Variants in PYCR1 observed in about 807,000 individuals in gnomAD.
The protein encoded by PYCR1 is pyrroline-5-carboxylate reductase 1, mitochondrial.
A neutral mutation model predicts 22.9 loss-of-function variants in PYCR1; 19 were observed. The observed-to-expected ratio is 0.83, with a 90% CI of 0.58 to 1.22. The LOEUF (loss-of-function observed/expected upper bound fraction) is 1.22. Ranked by LOEUF, PYCR1 falls within the 50% of genes most tolerant of loss-of-function variation. The probability of loss-of-function intolerance (pLI) is 0.00; values close to 1 mark genes in which losing one functional copy is unlikely to be tolerated. For synonymous variants in PYCR1, 175 were observed against 180.5 expected, an observed-to-expected ratio of 0.97 and a Z score of 0.24; for missense variants, 429 against 431.3, an observed-to-expected ratio of 0.99 and a Z score of 0.05.
At chr17:81,934,604 A>G in intron 5 of PYCR1, 49 bp downstream of exon 5, 1 of 1,547,912 alleles carries the variant, frequency 6.5e-7, no homozygotes. Context: ...GTGAAGCCCC[A>G]GGGCCCCGCA....
At position 81,937,038 on chromosome 17, in the gene PYCR1, C is replaced by T; in HGVS notation, c.-224G>A. 6.9e-7 allele frequency: 1 copy of T among 1,452,258 alleles called. No homozygotes were observed. The highest frequency in any genetic ancestry group is 9.1e-7 in the Non-Finnish European group (1 of 1,104,224). The allele number at this position is 1,452,258 out of a possible 1,614,324, so 90.0% of individuals were successfully genotyped here. A position where few individuals can be genotyped will look rare whatever the true frequency, so the allele number is the denominator to read the frequency against. On this transcript the variant is annotated 5_prime_UTR_variant, in exon 1 of 7. Transcript: ENST00000329875. ...AGTCAGAGCGGCGGTGCCTGGCCTG[C>T]TGCCTAGGGTCCCGCACCCACTGGA...
At position 81,932,859 on chromosome 17, in the gene PYCR1, G is replaced by A. The variant is rs1217192704; in HGVS notation, c.*355C>T. 5 of 1,601,324 alleles carry A rather than the reference G, an allele frequency of 3.1e-6. No individual in the cohort carries two copies. The highest frequency in any genetic ancestry group is 2.2e-5 in the South Asian group (2 of 89,122). ...CCCACCTCTGCTGAGCCTTCACAGA[G>A]GGGGTCCTTGACCTTTGCTCTCAGG... On this transcript the variant is annotated 3_prime_UTR_variant, in exon 7 of 7. Transcript: ENST00000329875.
chr17:81,933,431 G>A, intron 6 of PYCR1, 55 bp from the exon 7 acceptor site: 3 of 1,601,330 alleles, frequency 1.9e-6, no homozygotes, highest in Non-Finnish European at 1.7e-6. Context: ...CCAGGAAGAG[G>A]GAGTGAAGCC....
chr17:81,935,008 A>C lies in PYCR1; in HGVS notation c.458T>G (p.Leu153Arg), dbSNP rs990422378. The C allele has an allele frequency of 1.2e-6, 2 of 1,610,140 alleles. No individual in the cohort carries two copies. Among genetic ancestry groups the C allele is most frequent in the African/African-American group, 1.3e-5 (1 of 74,892 alleles). Reference protein sequence around the residue: ...VEDGRLMEQLLSSVGFCTEVE... With the variant: ...VEDGRLMEQLRSSVGFCTEVE... ...CTCCGTGCAGAAGCCCACGCTGCTC[A>C]GCAGCTGCTCCATGAGCCTCCCGTC... Residue 153 changes from leucine (L) to arginine (R), a missense_variant, in exon 4 of 7, where the codon CTG becomes CGG. By Grantham distance (102) the Leu-to-Arg change is moderately radical (BLOSUM62 -2). Coordinates refer to ENST00000329875, the MANE Select transcript of PYCR1 (RefSeq NM_006907.4).
At position 81,933,008 on chromosome 17, in the gene PYCR1, G is replaced by C; in HGVS notation, c.*206C>G. 6.3e-7 allele frequency: 1 copy of C among 1,592,960 alleles called. No individual in the cohort carries two copies. Among genetic ancestry groups the C allele is most frequent in the Non-Finnish European group, 8.5e-7 (1 of 1,171,570 alleles). On this transcript the variant is annotated 3_prime_UTR_variant, in exon 7 of 7. Coordinates refer to ENST00000329875, the MANE Select transcript of PYCR1 (RefSeq NM_006907.4). ...GAGAAGAAAGGAGGTTGAGGTTGGG[G>C]AATCCACCCCTGTTCTGGGCTGGGA...
Position 81,934,628 on chromosome 17 carries a change from C to T in PYCR1, c.633+25G>A, listed in dbSNP as rs377028778. On this transcript the variant is annotated intron_variant, in intron 5 of 6. Coordinates refer to ENST00000329875, the MANE Select transcript of PYCR1 (RefSeq NM_006907.4). The stretch of plus-strand genomic sequence containing the variant: ...CAGGGCCCCGCAAAGAGTGGCCCCA[C>T]CAGAGGGTCAGGAAACACACTGACC... The T allele has an allele frequency of 1.4e-4, 219 of 1,553,832 alleles. No individual in the cohort carries two copies. In the African/African-American group the frequency reaches 2.8e-3, roughly 20 times the overall value.
In PYCR1 at chr17:81,937,069, G is replaced by A; in HGVS notation, c.-255C>T. 7.0e-7 allele frequency: 1 copy of A among 1,430,732 alleles called. No homozygotes were observed. Among genetic ancestry groups the A allele is most frequent in the South Asian group, 1.5e-5 (1 of 67,684 alleles). 88.6% of individuals were successfully genotyped at this position (1,430,732 alleles called of 1,614,324 possible). ...AGGGTCCCGCACCCACTGGAGGGGT[G>A]GAGGTTCCGCAGAAGAAATGACTGG... On this transcript the variant is annotated 5_prime_UTR_variant, in exon 1 of 7. Coordinates refer to ENST00000329875, the MANE Select transcript of PYCR1 (RefSeq NM_006907.4).
At chr17:81,934,106 G>A (rs1480973657) in intron 6 of PYCR1, 10 of 652,068 alleles carry the variant, frequency 1.5e-5, no homozygotes, top group African/African-American at 5.4e-5. Flanking sequence ...CACAGCATCC[G>A]GGTCCCTCTA....
At position 81,936,991 on chromosome 17, in the gene PYCR1, C is replaced by A; in HGVS notation, c.-177G>T. 6.8e-7 allele frequency: 1 copy of A among 1,476,416 alleles called. No individual in the cohort carries two copies. Among genetic ancestry groups the A allele is most frequent in the Non-Finnish European group, 9.0e-7 (1 of 1,113,964 alleles). The allele number at this position is 1,476,416 out of a possible 1,614,324, so 91.5% of individuals were successfully genotyped here. A position where few individuals can be genotyped will look rare whatever the true frequency, so the allele number is the denominator to read the frequency against. On this transcript the variant is annotated 5_prime_UTR_variant, in exon 1 of 7. Coordinates refer to ENST00000329875, the MANE Select transcript of PYCR1 (RefSeq NM_006907.4). ...TAACTTTCCACTTTGCTGTCCGGCCCGTTAACTGCTTCGGGGCCCCCAGTC... is the reference window on the plus strand; with the variant it reads ...TAACTTTCCACTTTGCTGTCCGGCCAGTTAACTGCTTCGGGGCCCCCAGTC...
At chr17:81,935,191 C>T (rs1193915782) in intron 3 of PYCR1, 44 bp from the exon 4 acceptor site, 1 of 1,574,834 alleles carries the variant, frequency 6.3e-7, no homozygotes, top group Non-Finnish European at 8.6e-7. Context: ...GGACGCAGTG[C>T]CTAGATGCAC....
Position 81,937,253 on chromosome 17 carries a change from C to A in PYCR1, c.-439G>T. The A allele has an allele frequency of 7.4e-7, 1 of 1,353,134 alleles. No individual in the cohort carries two copies. 83.8% of individuals were successfully genotyped at this position (1,353,134 alleles called of 1,614,324 possible). On this transcript the variant is annotated 5_prime_UTR_variant, in exon 1 of 7. Coordinates refer to ENST00000329875, the MANE Select transcript of PYCR1 (RefSeq NM_006907.4). ...CCCAACCCAGCTACCGTGCGCGGGTCGTACCCACCCCTCAGCGCTGCGGCC... is the reference window on the plus strand; with the variant it reads ...CCCAACCCAGCTACCGTGCGCGGGTAGTACCCACCCCTCAGCGCTGCGGCC...
In PYCR1 at chr17:81,936,764, C is replaced by T; in HGVS notation, c.51G>A (p.Lys17=). The T allele has an allele frequency of 1.2e-6, 2 of 1,609,766 alleles. No homozygotes were observed. Among genetic ancestry groups the T allele is most frequent in the Non-Finnish European group, 1.7e-6 (2 of 1,178,880 alleles). ...GGGGCCTACCTGCTGCTGTGAAGCC[C>T]TTGGCCAGGGCAAAAGCCAGCTGGC... ...GAGQLAFALA[K]GFTAAGVLAA... The change falls in exon 1 of 7, where the codon AAG becomes AAA. Residue 17 remains lysine, a synonymous_variant. Transcript: ENST00000329875.
In PYCR1 at chr17:81,937,192, C is replaced by G. The variant is rs558371350; in HGVS notation, c.-378G>C. On this transcript the variant is annotated 5_prime_UTR_variant, in exon 1 of 7. Transcript: ENST00000329875. ...AGAACTGGGCTACCGTCGCGCCCCA[C>G]CCGGCGACCGCCGCCCACCATTCCC... 75 of 1,477,058 alleles carry G rather than the reference C, an allele frequency of 5.1e-5. No individual in the cohort carries two copies. The African/African-American group carries it at 9.1e-4, about 18-fold the overall frequency. The allele number at this position is 1,477,058 out of a possible 1,614,324, so 91.5% of individuals were successfully genotyped here.
rs751714070 is a variant in PYCR1 at position 81,935,382 on chromosome 17, A to G, written c.273T>C (p.Ile91=). The G allele has an allele frequency of 7.4e-6, 12 of 1,613,370 alleles. No homozygotes were observed. The South Asian group carries it at 1.3e-4, about 18-fold the overall frequency. The change falls in exon 3 of 7, where the codon ATT becomes ATC. Residue 91 remains isoleucine, a synonymous_variant. Coordinates refer to ENST00000329875, the MANE Select transcript of PYCR1 (RefSeq NM_006907.4). ...TGACGCCGGCCGCGCAGGACACCAC[A>G]ATGTGTCTGTCCTCAATGTCGGCGC... ...EIGADIEDRH[I]VVSCAAGVTI... is the part of the protein sequence containing the mutation.
intron 6 of PYCR1, chr17:81,934,117 T>C: frequency 2.9e-6 from 2 of 697,068 alleles, no homozygotes; most frequent in Non-Finnish European, 5.0e-6. Context: ...GGTCCCTCTA[T>C]GGATGTTCCC....
At chr17:81,934,150 G>A (rs1244651222) in intron 6 of PYCR1, 176 bp downstream of exon 6, 14 of 873,148 alleles carry the variant, frequency 1.6e-5, no homozygotes, top group Non-Finnish European at 2.6e-5. Context: ...ACGGAAGGTG[G>A]GGAGGGGCAC....
intron 6 of PYCR1, 50 bp downstream of exon 6, chr17:81,934,276 C>T: frequency 1.2e-6 from 2 of 1,607,262 alleles, no homozygotes; most frequent in South Asian, 1.1e-5. Flanking sequence ...AGAGAGGCCT[C>T]TGCCATGCAA....
chr17:81,936,021 G>C, intron 2 of PYCR1, 102 bp downstream of exon 2: 1 of 1,345,440 alleles, frequency 7.4e-7, no homozygotes. Flanking sequence ...CCAGCCCAGG[G>C]CCCCTGCCCT....
chr17:81,936,091 C>CA (rs755013420), intron 2 of PYCR1, 32 bp downstream of exon 2: 12 of 1,610,194 alleles, frequency 7.5e-6, no homozygotes, highest in Non-Finnish European at 1.0e-5. Flanking sequence ...CACAGGGACT[C>CA]AGTCTCCTTT....
Sources: gnomAD v4.1 joint callset for allele counts on GRCh38, gnomAD v4.1.1 for gene constraint, MANE v1.5 for transcripts, NCBI Gene and HGNC (gene_info 2026-07-23, HGNC 2026-07-21) for gene names.